SCEL: variants seen among roughly 807,000 people sequenced by gnomAD.
The protein encoded by SCEL is sciellin.
A neutral mutation model predicts 117.6 loss-of-function variants in SCEL; 113 were observed. The ratio of observed to expected loss-of-function variants is 0.96; its 90% confidence interval spans 0.83 to 1.12. The LOEUF is 1.12. SCEL is among the 50% of genes most tolerant of loss of function. The pLI is 0.00. For synonymous variants in SCEL, 270 were observed against 256.2 expected, an observed-to-expected ratio of 1.05 and a Z score of -0.51; for missense variants, 785 against 810.8, an observed-to-expected ratio of 0.97 and a Z score of 0.39.
At chr13:77,571,142 T>C (rs1385563175) in intron 8 of SCEL, among the ~76,000 whole-genome samples, 2 of 151,070 alleles carry the variant, frequency 1.3e-5, no homozygotes, top group Non-Finnish European at 3.0e-5. Flanking sequence ...CTCACAGTTT[T>C]TTAAAAATTG....
At chr13:77,559,608 A>C (rs956460754) in intron 3 of SCEL, among the ~76,000 whole-genome samples, 196 bp from the exon 4 acceptor site, 7 of 152,220 alleles carry the variant, frequency 4.6e-5, no homozygotes, top group African/African-American at 1.7e-4. Flanking sequence ...TTGTACTGAC[A>C]AACTTGTTTC....
At chr13:77,610,309 G>A (rs911436016) in intron 22 of SCEL, among the ~76,000 whole-genome samples, 6 of 151,952 alleles carry the variant, frequency 3.9e-5, no homozygotes, top group Non-Finnish European at 8.8e-5. Flanking sequence ...AAATTTAGCT[G>A]GGCGTGGTGG....
chr13:77,603,000 A>T, intron 17 of SCEL, 76 bp from the exon 18 acceptor site: 1 of 830,010 alleles, frequency 1.2e-6, no homozygotes, highest in Non-Finnish European at 1.9e-6. Flanking sequence ...TGAATTAATC[A>T]TTGGGAATAC....
chr13:77,571,077 G>A (rs1421646699), intron 8 of SCEL, among the ~76,000 whole-genome samples: 3 of 150,358 alleles, frequency 2.0e-5, no homozygotes, highest in Admixed American at 1.3e-4. Context: ...TGATCCACCC[G>A]CCTCAGCCTC....
intron 10 of SCEL, among the ~76,000 whole-genome samples, chr13:77,590,774 C>T (rs2086820875): frequency 6.6e-6 from 1 of 151,870 alleles, no homozygotes; most frequent in Non-Finnish European, 1.5e-5. Flanking sequence ...AACACATGTC[C>T]TCAGGAGTAC....
At position 77,568,275 on chromosome 13, in the gene SCEL, C is replaced by T. The variant is rs1299719068; in HGVS notation, c.360-20C>T. ...TTCATTCTTCATTGTTCAAACTTTG[C>T]TTTCTTTCTCTCTTACCAGGAGCAT... is the stretch of plus-strand genomic sequence containing the variant. On this transcript the variant is annotated intron_variant, in intron 6 of 32. Transcript: ENST00000349847. 3 of 1,525,130 alleles carry T rather than the reference C, an allele frequency of 2.0e-6. No individual in the cohort carries two copies. Among genetic ancestry groups the T allele is most frequent in the South Asian group, 2.4e-5 (2 of 84,680 alleles). The allele number at this position is 1,525,130 out of a possible 1,614,324, so 94.5% of individuals were successfully genotyped here.
At chr13:77,575,144 T>C (rs761006780) in intron 9 of SCEL, among the ~76,000 whole-genome samples, 1 of 152,200 alleles carries the variant, frequency 6.6e-6, no homozygotes, top group Non-Finnish European at 1.5e-5. Context: ...CCTTTCTTAA[T>C]TTATACACTA....
At chr13:77,615,701 A>G (rs917803429) in intron 24 of SCEL, among the ~76,000 whole-genome samples, 2 of 152,108 alleles carry the variant, frequency 1.3e-5, no homozygotes, top group Non-Finnish European at 1.5e-5. Flanking sequence ...AAAAAAATCT[A>G]CATATTTGTT....
intron 10 of SCEL, 65 bp downstream of exon 10, chr13:77,589,289 C>T (rs1360265776): frequency 2.6e-6 from 3 of 1,149,014 alleles, no homozygotes; most frequent in Non-Finnish European, 3.9e-6. Flanking sequence ...AGTAAATGGA[C>T]TGTGACCCGC....
At chr13:77,641,920 A>G (rs2090574779) in intron 31 of SCEL, among the ~76,000 whole-genome samples, 1 of 152,164 alleles carries the variant, frequency 6.6e-6, no homozygotes, top group African/African-American at 2.4e-5. Context: ...AGGTTGTATA[A>G]TTAGTTATGA....
At position 77,628,983 on chromosome 13, in the gene SCEL, A is replaced by C. The variant is rs556983784; in HGVS notation, c.1691+974A>C. The stretch of plus-strand genomic sequence containing the variant: ...CTATTTTGGGAATAGGACTGGGCTT[A>C]CATTTAACTAATCTCATTCAAGTAT... On this transcript the variant is annotated intron_variant, in intron 28 of 32. Transcript: ENST00000349847. Among the ~76,000 whole-genome samples, 356 of 152,332 alleles carry C rather than the reference A, an allele frequency of 2.3e-3. 1 individual carries two copies. Among genetic ancestry groups the C allele is most frequent in the Non-Finnish European group, 4.3e-3 (293 of 68,006 alleles).
intron 3 of SCEL, among the ~76,000 whole-genome samples, chr13:77,557,862 A>C (rs1415510708): frequency 6.6e-6 from 1 of 152,218 alleles, no homozygotes; most frequent in Non-Finnish European, 1.5e-5. Context: ...CTTACTCTAA[A>C]CTATCTACAA....
chr13:77,564,191 GTTTT>G (rs58228438), intron 5 of SCEL, among the ~76,000 whole-genome samples: 2 of 129,122 alleles, frequency 1.5e-5, no homozygotes, highest in East Asian at 2.2e-4. Flanking sequence ...TTCAATATAG[GTTTT>G]TTTTTTTTTT....
intron 22 of SCEL, among the ~76,000 whole-genome samples, chr13:77,612,190 G>A (rs2088684924): frequency 6.6e-6 from 1 of 152,018 alleles, no homozygotes; most frequent in South Asian, 2.1e-4. Context: ...AACAAATTAG[G>A]TTTCCTATTC....
intron 5 of SCEL, among the ~76,000 whole-genome samples, chr13:77,566,859 A>G (rs1473871263): frequency 6.6e-6 from 1 of 152,202 alleles, no homozygotes; most frequent in Non-Finnish European, 1.5e-5. Context: ...GAAGTGGCAG[A>G]TAACGTATCT....
chr13:77,637,677 T>C lies in SCEL; in HGVS notation c.1838+483T>C, dbSNP rs577137860. 2.0e-5 allele frequency among the ~76,000 whole-genome samples: 3 copies of C among 152,184 alleles called. No homozygotes were observed. In the South Asian group the frequency reaches 6.2e-4, roughly 32 times the overall value. ...CCCAGGAGGCCCCAGGACTGCCACA[T>C]TATTAGCGTTTAGGCTTCATTGCAT... is the stretch of plus-strand genomic sequence containing the variant. On this transcript the variant is annotated intron_variant, in intron 30 of 32. Coordinates refer to ENST00000349847, the MANE Select transcript of SCEL (RefSeq NM_144777.3).
At chr13:77,587,849 T>C (rs564250177) in intron 9 of SCEL, among the ~76,000 whole-genome samples, 79 of 152,262 alleles carry the variant, frequency 5.2e-4, no homozygotes, top group African/African-American at 1.9e-3. Flanking sequence ...CTACTTACAC[T>C]GACTCCCTTA....
chr13:77,604,141 C>CA, intron 18 of SCEL: 2 of 359,066 alleles, frequency 5.6e-6, no homozygotes, highest in Non-Finnish European at 9.8e-6. Context: ...GAGAACAAAA[C>CA]AAAAAATCAG....
At chr13:77,564,158 G>T (rs1195012377) in intron 5 of SCEL, among the ~76,000 whole-genome samples, 1 of 150,998 alleles carries the variant, frequency 6.6e-6, no homozygotes, top group African/African-American at 2.4e-5. Context: ...CAGCTAGGGT[G>T]GGTACTGTGC....
Sources: gnomAD v4.1 joint callset for allele counts (sites outside exome capture counted in the v4.1 genomes callset) on GRCh38, gnomAD v4.1.1 for gene constraint, MANE v1.5 for transcripts, NCBI Gene and HGNC (gene_info 2026-07-23, HGNC 2026-07-21) for gene names.